Variants in SH3RF3 observed in about 807,000 individuals in gnomAD.
SH3RF3 encodes SH3 domain containing ring finger 3, also known as E3 ubiquitin-protein ligase SH3RF3.
Under a neutral mutation model 66.3 loss-of-function variants are expected in SH3RF3, and 29 were observed. The ratio of observed to expected loss-of-function variants is 0.44; its 90% confidence interval spans 0.33 to 0.60. The LOEUF is 0.60. Ranked by LOEUF, SH3RF3 falls within the 20% of genes least tolerant of loss-of-function variation. SH3RF3 has a pLI of 0.04. For synonymous variants in SH3RF3, 583 were observed against 532.0 expected (o/e 1.10, Z -1.32); for missense variants, 1,194 against 1,190.9 (o/e 1.00, Z -0.04).
At chr2:109,400,309 A>G (rs183623821) in intron 4 of SH3RF3, among the ~76,000 whole-genome samples, 176 of 152,040 alleles carry the variant, frequency 1.2e-3, no homozygotes, top group South Asian at 3.3e-3. Flanking sequence ...ACTCATACAC[A>G]TGGCACACAC....
At chr2:109,214,442 A>C (rs1574508293) in intron 1 of SH3RF3, among the ~76,000 whole-genome samples, 1 of 151,786 alleles carries the variant, frequency 6.6e-6, no homozygotes, top group East Asian at 2.0e-4. Context: ...CTAGAACTTA[A>C]AGTATTAAAA....
chr2:109,211,544 C>T (rs533056255), intron 1 of SH3RF3, among the ~76,000 whole-genome samples: 7 of 152,230 alleles, frequency 4.6e-5, no homozygotes, highest in Admixed American at 3.3e-4. Flanking sequence ...CAGCAAGCTC[C>T]GGGGCTGTCA....
At chr2:109,263,187 T>G (rs1440853510) in intron 1 of SH3RF3, among the ~76,000 whole-genome samples, 1 of 152,184 alleles carries the variant, frequency 6.6e-6, no homozygotes, top group East Asian at 1.9e-4. Context: ...CAGAGACATG[T>G]GCATTCATAC....
intron 1 of SH3RF3, among the ~76,000 whole-genome samples, chr2:109,253,865 A>G (rs1298218638): frequency 6.6e-6 from 1 of 152,146 alleles, no homozygotes; most frequent in African/African-American, 2.4e-5. Flanking sequence ...CCAGAAAGTA[A>G]TGTATGAGTA....
Position 109,398,824 on chromosome 2 carries a change from G to A in SH3RF3, c.1180G>A (p.Ala394Thr), listed in dbSNP as rs1444930798. Residue 394 changes from alanine to threonine, a missense_variant, in exon 4 of 10, where the codon GCT (alanine) becomes ACT (threonine). Ala to Thr is a moderately conservative substitution (Grantham distance 58). Coordinates refer to ENST00000309415, the MANE Select transcript of SH3RF3 (RefSeq NM_001099289.3). ...CAGTGTGACGCACAGATCCTCCCAG[G>A]CTGCCAGCCACAGGCATTCCATGGA... is the stretch of plus-strand genomic sequence containing the variant. The part of the protein sequence containing the change: ...ALSVTHRSSQ[A>T]ASHRHSMEIS... 6.2e-7 allele frequency: 1 copy of A among 1,613,786 alleles called. No individual in the cohort carries two copies. Among genetic ancestry groups the A allele is most frequent in the African/African-American group, 1.3e-5 (1 of 74,920 alleles).
At chr2:109,178,994 A>G (rs552130605) in intron 1 of SH3RF3, among the ~76,000 whole-genome samples, 2 of 79,882 alleles carry the variant, frequency 2.5e-5, no homozygotes, top group African/African-American at 7.6e-5. Flanking sequence ...TTTCTTATAA[A>G]GTATAATAAT....
Position 109,254,901 on chromosome 2 carries a change from C to T in SH3RF3, c.574-92773C>T, listed in dbSNP as rs142756116. 9.4e-4 allele frequency among the ~76,000 whole-genome samples: 143 copies of T among 152,304 alleles called. 2 individuals carry two copies. In the East Asian group the frequency reaches 0.02, roughly 21 times the overall value. Reference sequence around the variant, plus strand: ...GGTGGGCTCAGCGAGACAGTACGCTCCATGTGACCCACTCTGGTCTCAAAA... The same window carrying T: ...GGTGGGCTCAGCGAGACAGTACGCTTCATGTGACCCACTCTGGTCTCAAAA... On this transcript the variant is annotated intron_variant, in intron 1 of 9. Transcript: ENST00000309415.
At chr2:109,158,844 C>T (rs1018960606) in intron 1 of SH3RF3, among the ~76,000 whole-genome samples, 2 of 152,210 alleles carry the variant, frequency 1.3e-5, no homozygotes, top group African/African-American at 4.8e-5. Flanking sequence ...TGTAAAAGTT[C>T]AGTGTGTCCT....
intron 1 of SH3RF3, among the ~76,000 whole-genome samples, chr2:109,339,342 T>C (rs1351436503): frequency 6.6e-6 from 1 of 151,980 alleles, no homozygotes; most frequent in African/African-American, 2.4e-5. Flanking sequence ...TAAGATGATG[T>C]GGTGGTTGGT....
At chr2:109,188,969 T>C (rs1317440271) in intron 1 of SH3RF3, among the ~76,000 whole-genome samples, 1 of 151,960 alleles carries the variant, frequency 6.6e-6, no homozygotes, top group Non-Finnish European at 1.5e-5. Context: ...GAAGTACTCT[T>C]TTCATCTTGT....
chr2:109,395,446 A>AGGGATGCTG (rs1044979079), intron 3 of SH3RF3, among the ~76,000 whole-genome samples: 2 of 152,134 alleles, frequency 1.3e-5, no homozygotes, highest in African/African-American at 2.4e-5. Flanking sequence ...TGGCTGCTGC[A>AGGGATGCTG]GGGATGCTGG....
chr2:109,147,942 G>A (rs111688626), intron 1 of SH3RF3, among the ~76,000 whole-genome samples: 1 of 152,118 alleles, frequency 6.6e-6, no homozygotes, highest in Non-Finnish European at 1.5e-5. Context: ...GAAGAGTTTT[G>A]GGGACTAGCT....
intron 3 of SH3RF3, among the ~76,000 whole-genome samples, chr2:109,398,065 T>C (rs1340503777): frequency 6.6e-6 from 1 of 152,062 alleles, no homozygotes; most frequent in African/African-American, 2.4e-5. Flanking sequence ...GCTTCTGTGG[T>C]TTATGCTGAC....
intron 1 of SH3RF3, among the ~76,000 whole-genome samples, chr2:109,341,287 C>CA (rs1189358724): frequency 6.6e-6 from 1 of 152,204 alleles, no homozygotes; most frequent in African/African-American, 2.4e-5. Context: ...ATAACAGTAA[C>CA]AAACTTCTTC....
chr2:109,313,111 T>C (rs1173443121), intron 1 of SH3RF3, among the ~76,000 whole-genome samples: 1 of 152,212 alleles, frequency 6.6e-6, no homozygotes, highest in African/African-American at 2.4e-5. Flanking sequence ...TGGCTCACAC[T>C]GTAGGTAATA....
At chr2:109,421,439 T>A (rs1676875956) in intron 5 of SH3RF3, among the ~76,000 whole-genome samples, 1 of 152,196 alleles carries the variant, frequency 6.6e-6, no homozygotes, top group African/African-American at 2.4e-5. Flanking sequence ...CAAGAAGGCT[T>A]CTCTGTCCTG....
chr2:109,325,885 G>A (rs1448349977), intron 1 of SH3RF3, among the ~76,000 whole-genome samples: 1 of 152,216 alleles, frequency 6.6e-6, no homozygotes, highest in African/African-American at 2.4e-5. Flanking sequence ...TTCAGAGAGG[G>A]TTGAAAGTAT....
chr2:109,400,277 A>G (rs1676270772), intron 4 of SH3RF3, among the ~76,000 whole-genome samples: 1 of 151,618 alleles, frequency 6.6e-6, no homozygotes, highest in South Asian at 2.1e-4. Context: ...GCCCGCACAT[A>G]TGCACTCCCA....
chr2:109,256,318 T>C (rs1337250706), intron 1 of SH3RF3, among the ~76,000 whole-genome samples: 1 of 152,234 alleles, frequency 6.6e-6, no homozygotes, highest in Non-Finnish European at 1.5e-5. Context: ...CGCTGTGACG[T>C]AGTCCTGGGG....
Sources: allele counts gnomAD v4.1 joint callset (sites outside exome capture counted in the v4.1 genomes callset), GRCh38; gene constraint gnomAD v4.1.1; transcripts MANE v1.5; gene names NCBI Gene and HGNC (gene_info 2026-07-23, HGNC 2026-07-21).